Variants in GPX3 observed in about 807,000 individuals in gnomAD.
The protein encoded by GPX3 is GPx-3.
Under a neutral mutation model 25.1 loss-of-function variants are expected in GPX3, and 22 were observed. The ratio of observed to expected loss-of-function variants is 0.88; its 90% CI spans 0.63 to 1.25. GPX3 has a LOEUF of 1.25. Ranked by LOEUF, GPX3 falls within the 50% of genes most tolerant of loss-of-function variation. The pLI, the probability that GPX3 is intolerant of heterozygous loss-of-function variation, is 0.00. For missense variants in GPX3, 278 were observed against 286.6 expected, an observed-to-expected ratio of 0.97 and a Z score of 0.22; for synonymous variants, 110 against 114.5, an observed-to-expected ratio of 0.96 and a Z score of 0.25.
chr5:151,027,384 GCCC>G (rs1756566039), intron 3 of GPX3, 45 bp from the exon 4 acceptor site: 1 of 1,225,492 alleles, frequency 8.2e-7, no homozygotes, highest in Admixed American at 1.7e-5. Context: ...TCATTTCTGA[GCCC>G]TGTGCCCACC....
chr5:151,028,170 G>C lies in GPX3; in HGVS notation c.*40G>C. 6.6e-7 allele frequency: 1 copy of C among 1,520,590 alleles called. No homozygotes were observed. Among genetic ancestry groups the C allele is most frequent in the Non-Finnish European group, 8.9e-7 (1 of 1,118,478 alleles). The allele number at this position is 1,520,590 out of a possible 1,614,324, so 94.2% of individuals were successfully genotyped here. A position where few individuals can be genotyped will look rare whatever the true frequency, so the allele number is the denominator to read the frequency against. On this transcript the variant is annotated 3_prime_UTR_variant, in exon 5 of 5. Coordinates refer to ENST00000388825, the MANE Select transcript of GPX3 (RefSeq NM_002084.5). ...ATCCCATGTCCACCATGTAGGGGAG[G>C]GACTTTGTTCAGGAAGAAATCCGTG...
chr5:151,022,495 G>A (rs2113142753), intron 1 of GPX3, among the ~76,000 whole-genome samples: 1 of 152,324 alleles, frequency 6.6e-6, no homozygotes, highest in African/African-American at 2.4e-5. Context: ...GAGTTCAGAT[G>A]TCTTAGCTCT....
Position 151,025,357 on chromosome 5 carries a change from C to T in GPX3, c.105C>T (p.Gly35=). The stretch of plus-strand genomic sequence containing the variant: ...TGTTCCAGATGGACTGCCATGGTGG[C>T]ATAAGTGGCACCATTTACGAGTACG... ...QEKSKMDCHG[G]ISGTIYEYGA... is the part of the protein sequence containing the mutation. The change falls in exon 2 of 5, where the codon GGC becomes GGT. Residue 35 remains glycine, a synonymous_variant. Transcript: ENST00000388825. 1 of 1,596,918 alleles carries T rather than the reference C, an allele frequency of 6.3e-7. No individual in the cohort carries two copies. The highest frequency in any genetic ancestry group is 8.5e-7 in the Non-Finnish European group (1 of 1,170,416).
chr5:151,025,509 T>C lies in GPX3; in HGVS notation c.241+16T>C, dbSNP rs768547423. On this transcript the variant is annotated intron_variant, in intron 2 of 4. Transcript: ENST00000388825. ...CAGTACATTGGTAAGAGCCCACCCT[T>C]CCTCCCTGCTTTATTTGGGGCTGTA... The C allele has an allele frequency of 6.3e-7, 1 of 1,580,162 alleles. No homozygotes were observed. The highest frequency in any genetic ancestry group is 1.8e-5 in the Admixed American group (1 of 55,452).
Position 151,025,377 on chromosome 5 carries a change from A to C in GPX3, c.125A>C (p.Glu42Ala). ...CHGGISGTIY[E>A]YGALTIDGEE... is the part of the protein sequence containing the mutation. ...GGTGGCATAAGTGGCACCATTTACG[A>C]GTACGGAGCCCTCACCATTGATGGG... is the stretch of plus-strand genomic sequence containing the variant. Residue 42 changes from glutamate (E) to alanine (A), a missense_variant, in exon 2 of 5, where the codon GAG becomes GCG. Glu to Ala is a moderately radical substitution (Grantham distance 107). Coordinates refer to ENST00000388825, the MANE Select transcript of GPX3 (RefSeq NM_002084.5). 1 of 1,606,204 alleles carries C rather than the reference A, an allele frequency of 6.2e-7. No homozygotes were observed. Among genetic ancestry groups the C allele is most frequent in the Admixed American group, 1.7e-5 (1 of 59,100 alleles).
At chr5:151,026,586 A>G (rs992771050) in intron 2 of GPX3, 3 of 278,720 alleles carry the variant, frequency 1.1e-5, no homozygotes, top group African/African-American at 2.2e-5. Context: ...AGAAAACTCA[A>G]TCCTGAGGGT....
chr5:151,024,930 C>T (rs772800799), intron 1 of GPX3, among the ~76,000 whole-genome samples: 57 of 152,172 alleles, frequency 3.7e-4, no homozygotes, highest in Non-Finnish European at 6.9e-4. Flanking sequence ...TCTCCATCAG[C>T]CCGTCTAGGA....
At chr5:151,026,274 C>T (rs1366233287) in intron 2 of GPX3, among the ~76,000 whole-genome samples, 3 of 152,188 alleles carry the variant, frequency 2.0e-5, no homozygotes, top group Non-Finnish European at 2.9e-5. Flanking sequence ...TTTGACCCTC[C>T]ATGCTCTGCC....
At chr5:151,025,960 T>C (rs748048931) in intron 2 of GPX3, among the ~76,000 whole-genome samples, 8 of 152,310 alleles carry the variant, frequency 5.3e-5, no homozygotes, top group South Asian at 4.1e-4. Flanking sequence ...ACACTTCTAA[T>C]GCCCATTCTA....
chr5:151,025,633 G>A (rs537183602), intron 2 of GPX3, 140 bp downstream of exon 2: 25 of 687,232 alleles, frequency 3.6e-5, no homozygotes, highest in East Asian at 9.0e-5. Flanking sequence ...ACTGTGTTCC[G>A]TGGTTTTGTG....
Position 151,025,401 on chromosome 5 carries a change from G to C in GPX3, c.149G>C (p.Gly50Ala). 6.2e-7 allele frequency: 1 copy of C among 1,612,136 alleles called. No individual in the cohort carries two copies. Among genetic ancestry groups the C allele is most frequent in the Non-Finnish European group, 8.5e-7 (1 of 1,179,030 alleles). Residue 50 changes from glycine to alanine, a missense_variant, in exon 2 of 5, where the codon GGG becomes GCG. Physicochemically the swap from Gly to Ala is moderately conservative, Grantham distance 60. Transcript: ENST00000388825. ...GAGTACGGAGCCCTCACCATTGATG[G>C]GGAGGAGTACATCCCCTTCAAGCAG... Reference protein sequence around the residue: ...IYEYGALTIDGEEYIPFKQYA... With the variant: ...IYEYGALTIDAEEYIPFKQYA...
chr5:151,027,046 G>A, intron 3 of GPX3, 29 bp downstream of exon 3: 1 of 1,459,766 alleles, frequency 6.9e-7, no homozygotes, highest in Non-Finnish European at 9.6e-7. Context: ...TCCTGAGAAA[G>A]CTCCTCTCAC....
intron 1 of GPX3, among the ~76,000 whole-genome samples, chr5:151,022,331 G>A (rs1214461477): frequency 3.9e-5 from 6 of 152,180 alleles, no homozygotes; most frequent in East Asian, 1.9e-4. Flanking sequence ...CTTCTCTGCA[G>A]CACTCTGGGG....
chr5:151,020,621 G>A lies in GPX3; in HGVS notation c.-34G>A. 1.3e-6 allele frequency: 2 copies of A among 1,569,202 alleles called. No homozygotes were observed. The highest frequency in any genetic ancestry group is 1.7e-5 in the Admixed American group (1 of 57,800). On this transcript the variant is annotated 5_prime_UTR_variant, in exon 1 of 5. Transcript: ENST00000388825. ...GACGGTGGCCAGGGATCAGGCAGCG[G>A]CTCAGGCGACCCTGAGTGTGCCCCC...
At chr5:151,020,769 G>A (rs999242239) in intron 1 of GPX3, 28 bp downstream of exon 1, 12 of 1,598,930 alleles carry the variant, frequency 7.5e-6, no homozygotes, top group African/African-American at 2.7e-5. Flanking sequence ...CCGGGGGCCG[G>A]GAGAAAAAAC....
chr5:151,020,653 C>G lies in GPX3; in HGVS notation c.-2C>G. On this transcript the variant is annotated 5_prime_UTR_variant, in exon 1 of 5. Coordinates refer to ENST00000388825, the MANE Select transcript of GPX3 (RefSeq NM_002084.5). Reference sequence around the variant, plus strand: ...CGACCCTGAGTGTGCCCCCACCCCGCCATGGCCCGGCTGCTGCAGGCGTCC... The same window carrying G: ...CGACCCTGAGTGTGCCCCCACCCCGGCATGGCCCGGCTGCTGCAGGCGTCC... The G allele has an allele frequency of 3.1e-6, 5 of 1,607,174 alleles. No homozygotes were observed. Among genetic ancestry groups the G allele is most frequent in the Non-Finnish European group, 4.2e-6 (5 of 1,177,798 alleles).
intron 1 of GPX3, 155 bp downstream of exon 1, chr5:151,020,896 C>T (rs919485804): frequency 2.7e-5 from 20 of 731,938 alleles, no homozygotes; most frequent in Non-Finnish European, 4.8e-5. Context: ...CCCCCTCCGC[C>T]GCCGGGACCC....
intron 2 of GPX3, 73 bp downstream of exon 2, chr5:151,025,566 T>C (rs1167411533): frequency 1.5e-6 from 2 of 1,326,556 alleles, no homozygotes; most frequent in African/African-American, 3.0e-5. Flanking sequence ...GCTTTTCTGG[T>C]GCATGGGGGA....
rs544542672 is a variant in GPX3 at position 151,025,539 on chromosome 5, A to G, written c.241+46A>G. The G allele has an allele frequency of 4.6e-6, 7 of 1,506,736 alleles. No homozygotes were observed. The South Asian group carries it at 6.3e-5, about 14-fold the overall frequency. 93.3% of individuals were successfully genotyped at this position (1,506,736 alleles called of 1,614,324 possible). On this transcript the variant is annotated intron_variant, in intron 2 of 4. Transcript: ENST00000388825. ...CCTGCTTTATTTGGGGCTGTATGGC[A>G]TATTTCAATCACAGGAGCTTTTCTG... is the stretch of plus-strand genomic sequence containing the variant.
Sources: gnomAD v4.1 joint callset for allele counts (sites outside exome capture counted in the v4.1 genomes callset) on GRCh38, gnomAD v4.1.1 for gene constraint, MANE v1.5 for transcripts, NCBI Gene and HGNC (gene_info 2026-07-23, HGNC 2026-07-21) for gene names.